Variants in HYDIN observed in about 807,000 individuals in gnomAD.
HYDIN encodes axonemal central pair apparatus protein HYDIN.
Under a neutral mutation model 403.9 loss-of-function variants are expected in HYDIN, and 132 were observed. The ratio of observed to expected loss-of-function variants is 0.33; its 90% CI spans 0.28 to 0.38. HYDIN has a LOEUF of 0.38. Among genes scored for constraint, HYDIN ranks in the 10% least tolerant of loss-of-function variants. The pLI, the probability that HYDIN is intolerant of heterozygous loss-of-function variation, is 1.00. For synonymous variants in HYDIN, 1,202 were observed against 1,891.7 expected (o/e 0.64, Z 9.46); for missense variants, 2,827 against 5,009.5 (o/e 0.56, Z 13.15).
rs761931958 is a variant in HYDIN, at chr16:70,868,603, T to C, written c.11277A>G (p.Arg3759=). 29 of 1,613,266 alleles carry C rather than the reference T, an allele frequency of 1.8e-5. No individual in the cohort carries two copies. Among genetic ancestry groups the C allele is most frequent in the Admixed American group, 1.2e-4 (7 of 59,948 alleles). Residue 3759 remains arginine (R), a synonymous_variant, in exon 66 of 86, where the codon AGA becomes AGG. Transcript: ENST00000393567. ...TTGTAGTGAAAGTCCCAGGCATGTT[T>C]CTGGGTACGTCCACCCACTTGACTG... The part of the protein sequence containing the change: ...MHTVKWVDVP[R]NMPGTFTTKR...
intron 4 of HYDIN, among the ~76,000 whole-genome samples, chr16:71,176,071 C>T (rs368670717): frequency 6.0e-5 from 9 of 149,504 alleles, no homozygotes; most frequent in Non-Finnish European, 8.8e-5. Context: ...TTTGGGAGGC[C>T]GAGGCAGGAG....
intron 3 of HYDIN, among the ~76,000 whole-genome samples, chr16:71,183,100 G>C (rs2086974781): frequency 1.3e-5 from 2 of 152,080 alleles, no homozygotes; most frequent in South Asian, 4.1e-4. Flanking sequence ...AAATAGGAAG[G>C]CTATGTCAGT....
intron 13 of HYDIN, among the ~76,000 whole-genome samples, chr16:71,078,852 GCTGGTTATCTCCCA>G (rs2082697692): frequency 6.6e-6 from 1 of 152,144 alleles, no homozygotes; most frequent in Non-Finnish European, 1.5e-5. Context: ...CGGCAAAATT[GCTGGTTATCTCCCA>G]CTATCCTTTT....
In HYDIN at chr16:70,807,710, A is replaced by T; in HGVS notation, c.15236T>A (p.Val5079Asp). 6.2e-7 allele frequency: 1 copy of T among 1,614,024 alleles called. No homozygotes were observed. The highest frequency in any genetic ancestry group is 8.5e-7 in the Non-Finnish European group (1 of 1,180,012). ...VRPKKINNIT[V>D]SFEGNPSGSK... ...GCCAGATGGGTTTCCTTCAAAGGAG[A>T]CTGTGATGTTGTTGATCTTCTTGGG... The change falls in exon 86 of 86, where the codon GTC becomes GAC. Residue 5079 changes from valine (V) to aspartate (D), a missense_variant. By Grantham distance (152) the Val-to-Asp change is radical. Transcript: ENST00000393567.
Position 71,185,006 on chromosome 16 carries a change from A to G in HYDIN, c.136-16T>C, listed in dbSNP as rs772083567. 8 of 1,571,208 alleles carry G rather than the reference A, an allele frequency of 5.1e-6. No individual in the cohort carries two copies. The highest frequency in any genetic ancestry group is 1.4e-5 in the African/African-American group (1 of 73,704). ...AGGGTGTAAGCTAGAATGTAAAACAATAAGAACCAAAGATTCTTAAGTGGA... is the reference window on the plus strand; with the variant it reads ...AGGGTGTAAGCTAGAATGTAAAACAGTAAGAACCAAAGATTCTTAAGTGGA... On this transcript the variant is annotated splice_polypyrimidine_tract_variant and intron_variant, in intron 2 of 85. Coordinates refer to ENST00000393567, the MANE Select transcript of HYDIN (RefSeq NM_001270974.2).
At chr16:70,953,707 A>G (rs1460854071) in intron 40 of HYDIN, among the ~76,000 whole-genome samples, 1 of 151,542 alleles carries the variant, frequency 6.6e-6, no homozygotes, top group Non-Finnish European at 1.5e-5. Flanking sequence ...CTGTGTCTCT[A>G]GCTTGATGTT....
At chr16:70,848,999 G>A (rs1287839880) in intron 75 of HYDIN, among the ~76,000 whole-genome samples, 1 of 151,824 alleles carries the variant, frequency 6.6e-6, no homozygotes, top group Admixed American at 6.6e-5. Flanking sequence ...GAGCAAGCCT[G>A]GAGTCAGGTC....
chr16:71,023,133 C>T (rs1388025268), intron 21 of HYDIN, among the ~76,000 whole-genome samples: 2 of 152,290 alleles, frequency 1.3e-5, no homozygotes, highest in East Asian at 3.9e-4. Context: ...AATATCTTTC[C>T]TGATTACTTA....
chr16:71,082,255 C>A (rs2082806750), intron 12 of HYDIN, among the ~76,000 whole-genome samples: 2 of 152,108 alleles, frequency 1.3e-5, no homozygotes, highest in Non-Finnish European at 2.9e-5. Flanking sequence ...ATTATACATG[C>A]ATTTTTACCC....
chr16:71,169,955 T>C (rs2086396057), intron 5 of HYDIN, among the ~76,000 whole-genome samples: 1 of 152,206 alleles, frequency 6.6e-6, no homozygotes, highest in African/African-American at 2.4e-5. Flanking sequence ...TTTTTGTCAA[T>C]TACAAATAAT....
chr16:70,809,715 C>T, intron 85 of HYDIN, 68 bp downstream of exon 85: 1 of 1,223,448 alleles, frequency 8.2e-7, no homozygotes, highest in Non-Finnish European at 1.2e-6. Context: ...CCCTGTGTCT[C>T]CTCTCATTGT....
chr16:70,905,395 C>T (rs2076505988), intron 50 of HYDIN, among the ~76,000 whole-genome samples: 1 of 152,080 alleles, frequency 6.6e-6, no homozygotes, highest in Admixed American at 6.5e-5. Flanking sequence ...TGTAATCCAG[C>T]ACTTTGAGAG....
chr16:70,847,558 C>A (rs189350997), intron 75 of HYDIN, among the ~76,000 whole-genome samples: 8 of 151,898 alleles, frequency 5.3e-5, no homozygotes, highest in African/African-American at 1.9e-4. Context: ...TCCCCAAAAT[C>A]GGCAGAATAA....
At chr16:70,940,358 T>G (rs1252541165) in intron 43 of HYDIN, among the ~76,000 whole-genome samples, 2 of 151,916 alleles carry the variant, frequency 1.3e-5, no homozygotes, top group Non-Finnish European at 2.9e-5. Context: ...TATCAAGAGA[T>G]AATCACAGAT....
chr16:70,855,061 T>C, intron 73 of HYDIN, 67 bp downstream of exon 73: 1 of 732,864 alleles, frequency 1.4e-6, no homozygotes, highest in Non-Finnish European at 2.3e-6. Flanking sequence ...CTGTAAGCAC[T>C]GGCAGGCTTG....
In HYDIN at chr16:70,804,189, A is replaced by C. The variant is rs1277752748; in HGVS notation, c.*3391T>G. 2.6e-5 allele frequency among the ~76,000 whole-genome samples: 4 copies of C among 152,252 alleles called. No individual in the cohort carries two copies. Among genetic ancestry groups the C allele is most frequent in the Non-Finnish European group, 4.4e-5 (3 of 68,042 alleles). On this transcript the variant is annotated 3_prime_UTR_variant, in exon 86 of 86. Transcript: ENST00000393567. Reference sequence around the variant, plus strand: ...CCTGGAAGAGGGTTCACACTGGGGCAGGATCTGAGCTTGGCTCTTGGTCCC... The same window carrying C: ...CCTGGAAGAGGGTTCACACTGGGGCCGGATCTGAGCTTGGCTCTTGGTCCC...
intron 23 of HYDIN, among the ~76,000 whole-genome samples, chr16:71,014,447 C>G (rs563967879): frequency 1.5e-4 from 22 of 151,150 alleles, no homozygotes; most frequent in Non-Finnish European, 1.8e-4. Context: ...GTTCCCACCC[C>G]CTCCAGTCCA....
chr16:70,875,541 A>T (rs1003748398), intron 62 of HYDIN, among the ~76,000 whole-genome samples: 2 of 152,216 alleles, frequency 1.3e-5, no homozygotes, highest in Admixed American at 1.3e-4. Flanking sequence ...CCATCATGAA[A>T]AAGATTGAAT....
chr16:71,210,527 G>C (rs71403838), intron 1 of HYDIN, among the ~76,000 whole-genome samples: 1 of 151,914 alleles, frequency 6.6e-6, no homozygotes, highest in African/African-American at 2.4e-5. Context: ...GGAGGAGTGA[G>C]AGGTTCAGAA....
Sources: allele counts gnomAD v4.1 joint callset (sites outside exome capture counted in the v4.1 genomes callset), GRCh38; gene constraint gnomAD v4.1.1; transcripts MANE v1.5; gene names NCBI Gene and HGNC (gene_info 2026-07-23, HGNC 2026-07-21).